STXBP5L: variants seen among roughly 807,000 people sequenced by gnomAD.
STXBP5L encodes syntaxin-binding protein 5-like.
In STXBP5L, 65 loss-of-function variants were observed where a neutral mutation model predicts 144.5. The observed-to-expected ratio is 0.45, with a 90% CI of 0.37 to 0.55. The LOEUF (loss-of-function observed/expected upper bound fraction) is 0.55. Among genes scored for constraint, STXBP5L ranks in the 20% least tolerant of loss-of-function variants. The pLI, the probability that STXBP5L is intolerant of heterozygous loss-of-function variation, is 0.00. For synonymous variants in STXBP5L, 505 were observed against 469.6 expected (o/e 1.08, Z -0.97); for missense variants, 1,298 against 1,405.5 (o/e 0.92, Z 1.22).
At chr3:120,966,163 C>T (rs1268941313) in intron 3 of STXBP5L, among the ~76,000 whole-genome samples, 1 of 152,144 alleles carries the variant, frequency 6.6e-6, no homozygotes, top group Non-Finnish European at 1.5e-5. Flanking sequence ...ACTGTTTATT[C>T]TAGTTAGCCA....
At chr3:121,284,910 A>G (rs988045911) in intron 19 of STXBP5L, among the ~76,000 whole-genome samples, 1 of 152,104 alleles carries the variant, frequency 6.6e-6, no homozygotes, top group East Asian at 1.9e-4. Flanking sequence ...TTGATATTGT[A>G]TATTATGAAA....
At chr3:121,115,963 T>C (rs2044215361) in intron 6 of STXBP5L, among the ~76,000 whole-genome samples, 1 of 152,246 alleles carries the variant, frequency 6.6e-6, no homozygotes, top group South Asian at 2.1e-4. Flanking sequence ...GGGATGGTGC[T>C]AAACCATTCA....
At chr3:120,979,759 G>A (rs534492178) in intron 3 of STXBP5L, among the ~76,000 whole-genome samples, 16 of 152,172 alleles carry the variant, frequency 1.1e-4, no homozygotes, top group African/African-American at 2.9e-4. Flanking sequence ...GATCTTTGTT[G>A]TTTCTTTTGT....
intron 14 of STXBP5L, among the ~76,000 whole-genome samples, chr3:121,241,376 TACACAC>T (rs4048752): frequency 0.029 from 4,331 of 146,852 alleles, 80 homozygotes; most frequent in African/African-American, 0.053. Flanking sequence ...CACACACACA[TACACAC>T]ACACACACAC....
At chr3:120,936,389 A>G (rs1710265521) in intron 2 of STXBP5L, among the ~76,000 whole-genome samples, 2 of 59,826 alleles carry the variant, frequency 3.3e-5, no homozygotes, top group Admixed American at 4.2e-4. Flanking sequence ...ACATCTTGTA[A>G]TTTTTAAAAT....
intron 3 of STXBP5L, among the ~76,000 whole-genome samples, chr3:120,962,086 C>T (rs1340008949): frequency 6.6e-6 from 1 of 152,068 alleles, no homozygotes; most frequent in Non-Finnish European, 1.5e-5. Context: ...TGAGAAGTGT[C>T]TGTTCATATC....
At chr3:121,000,095 G>T (rs192449395) in intron 3 of STXBP5L, among the ~76,000 whole-genome samples, 1 of 152,012 alleles carries the variant, frequency 6.6e-6, no homozygotes, top group Non-Finnish European at 1.5e-5. Flanking sequence ...TTTGGGGGTG[G>T]TCATCTTGCA....
At chr3:121,025,630 A>G (rs1221413545) in intron 3 of STXBP5L, among the ~76,000 whole-genome samples, 4 of 151,620 alleles carry the variant, frequency 2.6e-5, no homozygotes, top group Admixed American at 2.0e-4. Flanking sequence ...AGGTATTTGA[A>G]TTTCCAAAAC....
At chr3:121,199,197 G>A (rs768093790) in intron 9 of STXBP5L, among the ~76,000 whole-genome samples, 10 of 151,892 alleles carry the variant, frequency 6.6e-5, no homozygotes, top group Non-Finnish European at 1.3e-4. Flanking sequence ...GGTCCTTTAC[G>A]TCCCTTGTAA....
At chr3:121,224,611 TATAA>T (rs1347526372) in intron 11 of STXBP5L, among the ~76,000 whole-genome samples, 3 of 152,128 alleles carry the variant, frequency 2.0e-5, no homozygotes, top group Non-Finnish European at 4.4e-5. Context: ...TGGTTCAGAG[TATAA>T]ATAATGTATT....
rs778924339 is a variant in STXBP5L at position 120,992,261 on chromosome 3, A to T, written c.287+37224A>T. ...GTGATCAACTCAGAATGTTTAGCAT[A>T]TCCATTACCTCAAGTGTTTATTATT... On this transcript the variant is annotated intron_variant, in intron 3 of 26. Coordinates refer to ENST00000471454, the MANE Select transcript of STXBP5L (RefSeq NM_001308330.2). Among the ~76,000 whole-genome samples the T allele has an allele frequency of 9.9e-5, 15 of 152,158 alleles. 1 individual carries two copies. Among genetic ancestry groups the T allele is most frequent in the South Asian group, 4.1e-4 (2 of 4,832 alleles).
At chr3:121,388,238 C>T (rs1280312266) in intron 22 of STXBP5L, among the ~76,000 whole-genome samples, 2 of 152,126 alleles carry the variant, frequency 1.3e-5, no homozygotes, top group Admixed American at 1.3e-4. Context: ...GATTTTTGCA[C>T]GTTGATTTTG....
rs146518482 is a variant in STXBP5L at position 121,403,956 on chromosome 3, T to C, written c.2588-3287T>C. ...CAAGACTGATTCTTTGAAACTTTTC[T>C]CTTTATATTGAAGCACTAGATGAAT... On this transcript the variant is annotated intron_variant, in intron 22 of 26. Coordinates refer to ENST00000471454, the MANE Select transcript of STXBP5L (RefSeq NM_001308330.2). 1.7e-3 allele frequency among the ~76,000 whole-genome samples: 259 copies of C among 152,272 alleles called. 1 individual carries two copies. Among genetic ancestry groups the C allele is most frequent in the African/African-American group, 5.4e-3 (225 of 41,564 alleles).
intron 2 of STXBP5L, among the ~76,000 whole-genome samples, chr3:120,943,241 A>G (rs1323157988): frequency 2.0e-5 from 3 of 151,784 alleles, no homozygotes; most frequent in Non-Finnish European, 4.4e-5. Context: ...CTTAGAGACT[A>G]AAGATTATAT....
chr3:121,175,360 G>A (rs1346637053), intron 9 of STXBP5L, among the ~76,000 whole-genome samples: 1 of 151,750 alleles, frequency 6.6e-6, no homozygotes, highest in Non-Finnish European at 1.5e-5. Context: ...CACACTAAAG[G>A]CCTAGAAAAA....
At chr3:121,071,331 C>A (rs2041803584) in intron 5 of STXBP5L, among the ~76,000 whole-genome samples, 1 of 152,202 alleles carries the variant, frequency 6.6e-6, no homozygotes, top group African/African-American at 2.4e-5. Context: ...TAGGCTTTGG[C>A]CATGCATAGA....
At chr3:121,277,186 C>G (rs1472452182) in intron 18 of STXBP5L, among the ~76,000 whole-genome samples, 1 of 151,928 alleles carries the variant, frequency 6.6e-6, no homozygotes. Context: ...AGAACCTGTT[C>G]CTTATAGATA....
intron 3 of STXBP5L, among the ~76,000 whole-genome samples, chr3:120,983,839 C>G (rs1306101061): frequency 6.6e-6 from 1 of 152,172 alleles, no homozygotes; most frequent in Non-Finnish European, 1.5e-5. Context: ...CCAGTGTTCT[C>G]TCTTAGACAA....
At chr3:120,914,868 A>ATT (rs1385135890) in intron 2 of STXBP5L, among the ~76,000 whole-genome samples, 1 of 151,690 alleles carries the variant, frequency 6.6e-6, no homozygotes, top group Non-Finnish European at 1.5e-5. Context: ...AGAATTAAAG[A>ATT]TTTTTTTTTC....
Sources: allele counts gnomAD v4.1 joint callset (sites outside exome capture counted in the v4.1 genomes callset), GRCh38; gene constraint gnomAD v4.1.1; transcripts MANE v1.5; gene names NCBI Gene and HGNC (gene_info 2026-07-23, HGNC 2026-07-21).